Variants in AFF3 observed in about 807,000 individuals in gnomAD.
AFF3 encodes the protein AF4/FMR2 family member 3.
A neutral mutation model predicts 129.7 loss-of-function variants in AFF3; 32 were observed. That is an observed-to-expected ratio of 0.25 (90% CI 0.19 to 0.33). The LOEUF (loss-of-function observed/expected upper bound fraction) is 0.33. AFF3 is among the 10% of genes least tolerant of loss of function. The pLI, the probability that AFF3 is intolerant of heterozygous loss-of-function variation, is 1.00. For missense variants in AFF3, 1,373 were observed against 1,592.0 expected (o/e 0.86, Z 2.34); for synonymous variants, 644 against 635.4 (o/e 1.01, Z -0.20).
chr2:99,692,097 G>A (rs893396284), intron 11 of AFF3, among the ~76,000 whole-genome samples: 1 of 152,180 alleles, frequency 6.6e-6, no homozygotes, highest in Non-Finnish European at 1.5e-5. Flanking sequence ...TGGGTGTGGC[G>A]AGGTCAGAAG....
intron 17 of AFF3, among the ~76,000 whole-genome samples, chr2:99,579,235 G>A (rs1455502250): frequency 2.6e-5 from 4 of 151,558 alleles, no homozygotes; most frequent in East Asian, 1.9e-4. Flanking sequence ...GTGAAACTCC[G>A]TCTCTACTAA....
At chr2:99,798,739 T>C (rs1189410327) in intron 8 of AFF3, among the ~76,000 whole-genome samples, 2 of 152,002 alleles carry the variant, frequency 1.3e-5, no homozygotes, top group African/African-American at 4.8e-5. Flanking sequence ...GACCAATCAA[T>C]ATGACGTAAA....
chr2:99,988,063 C>A (rs901625385), intron 7 of AFF3, among the ~76,000 whole-genome samples: 1 of 151,696 alleles, frequency 6.6e-6, no homozygotes, highest in Non-Finnish European at 1.5e-5. Context: ...CTATGTGAGC[C>A]GACTGAAAAT....
At chr2:99,947,529 AAGAAAGAAAAAG>A (rs1165212241) in intron 7 of AFF3, among the ~76,000 whole-genome samples, 2 of 113,710 alleles carry the variant, frequency 1.8e-5, no homozygotes, top group African/African-American at 8.5e-5. Context: ...GAGAGAAAGA[AAGAAAGAAAAAG>A]AGAGAAAGAA....
At chr2:99,971,195 A>G (rs1226066833) in intron 7 of AFF3, among the ~76,000 whole-genome samples, 1 of 152,070 alleles carries the variant, frequency 6.6e-6, no homozygotes, top group Non-Finnish European at 1.5e-5. Context: ...GATGTGTCTC[A>G]CAAGCCCATT....
At chr2:99,612,415 T>C (rs768711458) in intron 13 of AFF3, among the ~76,000 whole-genome samples, 3 of 152,250 alleles carry the variant, frequency 2.0e-5, no homozygotes, top group Non-Finnish European at 4.4e-5. Flanking sequence ...AGCTCAGATT[T>C]TACAAGGGTG....
At chr2:100,066,885 G>T (rs374409359) in intron 4 of AFF3, among the ~76,000 whole-genome samples, 1 of 152,132 alleles carries the variant, frequency 6.6e-6, no homozygotes, top group South Asian at 2.1e-4. Context: ...CAGCCCCTCC[G>T]CAAGGAAAAC....
At chr2:99,866,852 T>A (rs1691439996) in intron 7 of AFF3, among the ~76,000 whole-genome samples, 17 of 151,460 alleles carry the variant, frequency 1.1e-4, no homozygotes, top group Admixed American at 1.1e-3. Flanking sequence ...GGCACGCACC[T>A]CTAATCCCAG....
chr2:99,848,411 G>A (rs940166185), intron 7 of AFF3, among the ~76,000 whole-genome samples: 3 of 152,216 alleles, frequency 2.0e-5, no homozygotes, highest in South Asian at 4.1e-4. Context: ...GATCCGCCAC[G>A]TACAGGGAAA....
intron 7 of AFF3, among the ~76,000 whole-genome samples, chr2:99,997,475 ACC>A (rs35522930): frequency 1.7e-4 from 22 of 128,222 alleles, no homozygotes; most frequent in East Asian, 4.4e-4. Context: ...AGCAACTATC[ACC>A]CCCCCCCCAG....
At position 99,741,867 on chromosome 2, in the gene AFF3, CAG is replaced by C. The variant is rs763101600; in HGVS notation, c.1039+2235_1039+2236del. On this transcript the variant is annotated intron_variant, in intron 10 of 24. Coordinates refer to ENST00000672756, the MANE Select transcript of AFF3 (RefSeq NM_001386135.1). ...AAACAGCATGGTACTGGTACCAAAA[CAG>C]AGTATTTCTCCATTTCTTACATGTT... Among the ~76,000 whole-genome samples the C allele has an allele frequency of 3.9e-5, 6 of 152,298 alleles. No homozygotes were observed. The South Asian group carries it at 1.0e-3, about 26-fold the overall frequency.
intron 4 of AFF3, among the ~76,000 whole-genome samples, chr2:100,039,672 C>T (rs913652358): frequency 6.6e-6 from 1 of 152,142 alleles, no homozygotes; most frequent in African/African-American, 2.4e-5. Flanking sequence ...GGCTGGCTCC[C>T]TAATGGGTCA....
Position 100,007,348 on chromosome 2 carries a change from G to A in AFF3, c.287C>T (p.Pro96Leu). ...AGGAGTCTGAGGAACCCCAGGTTTG[G>A]GAACTCCAACGAGATGACTCTGATT... The part of the protein sequence containing the change: ...RSNQSHLVGV[P>L]KPGVPQTPVN... The change falls in exon 6 of 25, where the codon CCC (proline) becomes CTC (leucine). Residue 96 changes from proline (P) to leucine (L), a missense_variant. Physicochemically the swap from Pro to Leu is moderately conservative, Grantham distance 98. Coordinates refer to ENST00000672756, the MANE Select transcript of AFF3 (RefSeq NM_001386135.1). 6.2e-7 allele frequency: 1 copy of A among 1,614,096 alleles called. No homozygotes were observed. Among genetic ancestry groups the A allele is most frequent in the Non-Finnish European group, 8.5e-7 (1 of 1,180,020 alleles).
intron 13 of AFF3, among the ~76,000 whole-genome samples, chr2:99,645,987 A>G (rs1684654653): frequency 1.3e-5 from 2 of 152,132 alleles, no homozygotes; most frequent in African/African-American, 2.4e-5. Flanking sequence ...AGGGAAAGGG[A>G]AACACACCCC....
At chr2:100,039,210 AG>A (rs1685222914) in intron 4 of AFF3, among the ~76,000 whole-genome samples, 1 of 152,328 alleles carries the variant, frequency 6.6e-6, no homozygotes, top group Admixed American at 6.5e-5. Flanking sequence ...TCGAATTCAC[AG>A]TCCTTCAAGT....
intron 8 of AFF3, among the ~76,000 whole-genome samples, chr2:99,822,773 T>A (rs1276662545): frequency 6.6e-6 from 1 of 152,182 alleles, no homozygotes; most frequent in African/African-American, 2.4e-5. Context: ...GGGCTCCTCA[T>A]CCATACGGTA....
At chr2:99,847,252 T>C (rs756084341) in intron 7 of AFF3, among the ~76,000 whole-genome samples, 51 of 151,958 alleles carry the variant, frequency 3.4e-4, no homozygotes, top group Non-Finnish European at 6.5e-4. Flanking sequence ...CTTGGCTCAC[T>C]GCAACCTCCG....
chr2:99,696,806 G>C (rs973856576), intron 11 of AFF3, among the ~76,000 whole-genome samples: 1 of 152,078 alleles, frequency 6.6e-6, no homozygotes, highest in East Asian at 1.9e-4. Flanking sequence ...ACCATGCCCA[G>C]CTAATTTTAA....
chr2:99,671,977 C>G (rs1161708437), intron 12 of AFF3, among the ~76,000 whole-genome samples: 1 of 152,162 alleles, frequency 6.6e-6, no homozygotes, highest in African/African-American at 2.4e-5. Context: ...ATATTTCAAG[C>G]ACATTTATCA....
Sources: allele counts gnomAD v4.1 joint callset (sites outside exome capture counted in the v4.1 genomes callset), GRCh38; gene constraint gnomAD v4.1.1; transcripts MANE v1.5; gene names NCBI Gene and HGNC (gene_info 2026-07-23, HGNC 2026-07-21).